The following R3HDM2 variants were observed in gnomAD, a reference collection of about 807,000 sequenced individuals.
The protein encoded by R3HDM2 is R3H domain-containing protein 2.
Under a neutral mutation model 124.5 loss-of-function variants are expected in R3HDM2, and 38 were observed. That is an observed-to-expected ratio of 0.31 (90% CI 0.24 to 0.40). The LOEUF (loss-of-function observed/expected upper bound fraction) is 0.40, where lower values mean the gene tolerates loss of function less well. R3HDM2 is among the 10% of genes least tolerant of loss of function. The probability of loss-of-function intolerance (pLI) is 1.00; values close to 1 mark genes in which losing one functional copy is unlikely to be tolerated. For missense variants in R3HDM2, 869 were observed against 1,236.9 expected (o/e 0.70, Z 4.46); for synonymous variants, 391 against 448.0 (o/e 0.87, Z 1.61).
intron 2 of R3HDM2, among the ~76,000 whole-genome samples, chr12:57,338,687 A>G (rs1274193188): frequency 6.6e-6 from 1 of 152,144 alleles, no homozygotes; most frequent in Non-Finnish European, 1.5e-5. Flanking sequence ...GTGAGCCACA[A>G]TGCCTGGTCC....
At chr12:57,340,950 T>C (rs1386363599) in intron 2 of R3HDM2, among the ~76,000 whole-genome samples, 7 of 151,896 alleles carry the variant, frequency 4.6e-5, no homozygotes, top group African/African-American at 1.5e-4. Context: ...AGAGTATATA[T>C]AACAATTTCT....
chr12:57,277,664 T>C (rs2137771802), intron 14 of R3HDM2, among the ~76,000 whole-genome samples: 1 of 152,256 alleles, frequency 6.6e-6, no homozygotes, highest in East Asian at 1.9e-4. Flanking sequence ...GCCAGGCTGG[T>C]CTCAAACTTC....
intron 1 of R3HDM2, among the ~76,000 whole-genome samples, chr12:57,410,318 T>TAAAAAAAAAA (rs56412130): frequency 1.0e-5 from 1 of 100,144 alleles, no homozygotes; most frequent in Non-Finnish European, 2.0e-5. Context: ...AGTATAACCT[T>TAAAAAAAAAA]AAAAAAAAAA....
intron 2 of R3HDM2, among the ~76,000 whole-genome samples, chr12:57,353,499 G>A (rs1260426975): frequency 3.3e-5 from 5 of 152,070 alleles, no homozygotes; most frequent in Non-Finnish European, 7.4e-5. Context: ...TTTTATTGTT[G>A]AGTTATACAC....
Position 57,310,436 on chromosome 12 carries a change from A to T in R3HDM2, c.-8T>A, listed in dbSNP as rs369301561. Reference sequence around the variant, plus strand: ...AGTGTTACTGTTAGACATGTTCTTCAATAGAATACAGTGGCCTCTATGGAC... The same window carrying T: ...AGTGTTACTGTTAGACATGTTCTTCTATAGAATACAGTGGCCTCTATGGAC... On this transcript the variant is annotated 5_prime_UTR_variant, in exon 3 of 24. Coordinates refer to ENST00000402412, the MANE Select transcript of R3HDM2 (RefSeq NM_001394031.1). 39 of 1,522,730 alleles carry T rather than the reference A, an allele frequency of 2.6e-5. No homozygotes were observed. The East Asian group carries it at 8.7e-4, about 34-fold the overall frequency. 94.3% of individuals were successfully genotyped at this position (1,522,730 alleles called of 1,614,324 possible).
At chr12:57,277,858 C>T (rs1241191995) in intron 14 of R3HDM2, among the ~76,000 whole-genome samples, 2 of 152,108 alleles carry the variant, frequency 1.3e-5, no homozygotes, top group Non-Finnish European at 2.9e-5. Context: ...AGAAACTGAA[C>T]AATAATTATT....
intron 2 of R3HDM2, among the ~76,000 whole-genome samples, chr12:57,329,910 T>G (rs2057891758): frequency 6.6e-6 from 1 of 152,162 alleles, no homozygotes. Context: ...TCCTAAGTAT[T>G]TTATTGTTTT....
chr12:57,328,732 G>A (rs1309615059), intron 2 of R3HDM2, among the ~76,000 whole-genome samples: 1 of 151,996 alleles, frequency 6.6e-6, no homozygotes, highest in African/African-American at 2.4e-5. Context: ...ATTAAGGTAT[G>A]TACTTTTTTT....
At chr12:57,288,405 T>G (rs966573916) in intron 12 of R3HDM2, among the ~76,000 whole-genome samples, 4 of 151,930 alleles carry the variant, frequency 2.6e-5, no homozygotes, top group African/African-American at 9.7e-5. Flanking sequence ...TCTATATATA[T>G]ATATGTATTA....
intron 1 of R3HDM2, among the ~76,000 whole-genome samples, chr12:57,403,201 C>T: frequency 6.6e-6 from 1 of 152,030 alleles, no homozygotes; most frequent in African/African-American, 2.4e-5. Flanking sequence ...ACTAAAAATA[C>T]GAAACAATTT....
At chr12:57,256,304 T>C in intron 22 of R3HDM2, 110 bp downstream of exon 22, 1 of 1,030,090 alleles carries the variant, frequency 9.7e-7, no homozygotes, top group South Asian at 1.6e-5. Flanking sequence ...TCCTGCTTTG[T>C]TCATTCTGTG....
chr12:57,420,516 TTTC>T (rs1472656988), intron 1 of R3HDM2, among the ~76,000 whole-genome samples: 1 of 151,186 alleles, frequency 6.6e-6, no homozygotes. Context: ...CTTTACTGGT[TTTC>T]TTTTTTTTTT....
intron 1 of R3HDM2, among the ~76,000 whole-genome samples, chr12:57,404,375 A>G (rs1215515744): frequency 2.7e-5 from 4 of 150,274 alleles, no homozygotes; most frequent in Non-Finnish European, 4.4e-5. Flanking sequence ...TCCATTCCTA[A>G]TTTTTAACTA....
chr12:57,320,261 C>CAAAAAAAAAAAAAAAAA (rs56207989), intron 2 of R3HDM2, among the ~76,000 whole-genome samples: 31 of 14,280 alleles, frequency 2.2e-3, no homozygotes, highest in Non-Finnish European at 3.1e-3. Flanking sequence ...AACTCTATCT[C>CAAAAAAAAAAAAAAAAA]AAAAAAAAAA....
intron 1 of R3HDM2, among the ~76,000 whole-genome samples, chr12:57,412,009 G>T (rs1161207517): frequency 6.6e-6 from 1 of 152,124 alleles, no homozygotes; most frequent in African/African-American, 2.4e-5. Flanking sequence ...CTGCTGCCAT[G>T]TAAGACATGC....
chr12:57,392,816 T>G (rs2066903209), intron 2 of R3HDM2, among the ~76,000 whole-genome samples: 1 of 150,826 alleles, frequency 6.6e-6, no homozygotes, highest in African/African-American at 2.4e-5. Context: ...TTTTTTTTTT[T>G]TTTTTTTTGC....
intron 2 of R3HDM2, among the ~76,000 whole-genome samples, chr12:57,337,557 G>T (rs2059016830): frequency 6.6e-6 from 1 of 152,152 alleles, no homozygotes; most frequent in Admixed American, 6.5e-5. Flanking sequence ...TCACTGCAAA[G>T]AAAGTCACTA....
chr12:57,412,485 C>A (rs191828672), intron 1 of R3HDM2, among the ~76,000 whole-genome samples: 1 of 151,764 alleles, frequency 6.6e-6, no homozygotes, highest in Non-Finnish European at 1.5e-5. Flanking sequence ...GAGGCTGCAA[C>A]GAGCCAAGAT....
chr12:57,317,297 GGCTCAGCCTCCTGAGTA>G (rs1199807491), intron 2 of R3HDM2, among the ~76,000 whole-genome samples: 1 of 150,388 alleles, frequency 6.6e-6, no homozygotes, highest in Non-Finnish European at 1.5e-5. Flanking sequence ...CAACCTCTGG[GGCTCAGCCTCCTGAGTA>G]GCTGGGATTA....
Sources: gnomAD v4.1 joint callset for allele counts (sites outside exome capture counted in the v4.1 genomes callset) on GRCh38, gnomAD v4.1.1 for gene constraint, MANE v1.5 for transcripts, NCBI Gene and HGNC (gene_info 2026-07-23, HGNC 2026-07-21) for gene names.